SIAH2: variants seen among roughly 807,000 people sequenced by gnomAD.
SIAH2 encodes E3 ubiquitin-protein ligase SIAH2.
A neutral mutation model predicts 20.4 loss-of-function variants in SIAH2; 4 were observed. That is an observed-to-expected ratio of 0.20 (90% CI 0.10 to 0.45). The LOEUF (loss-of-function observed/expected upper bound fraction) is 0.45. Ranked by LOEUF, SIAH2 falls within the 20% of genes least tolerant of loss-of-function variation. The pLI, the probability that SIAH2 is intolerant of heterozygous loss-of-function variation, is 0.99. For missense variants in SIAH2, 259 were observed against 440.3 expected (o/e 0.59, Z 3.69); for synonymous variants, 171 against 192.5 (o/e 0.89, Z 0.93).
At chr3:150,753,662 T>C (rs1355451453) in intron 1 of SIAH2, among the ~76,000 whole-genome samples, 1 of 152,026 alleles carries the variant, frequency 6.6e-6, no homozygotes, top group African/African-American at 2.4e-5. Context: ...AGCCTGATGG[T>C]GTGTGCCTGT....
intron 1 of SIAH2, among the ~76,000 whole-genome samples, chr3:150,761,198 A>G (rs919822197): frequency 3.9e-5 from 6 of 152,250 alleles, no homozygotes; most frequent in Admixed American, 3.3e-4. Flanking sequence ...CCCAAGAGGC[A>G]GCGCAAGTTA....
At chr3:150,754,603 G>A (rs2120596) in intron 1 of SIAH2, among the ~76,000 whole-genome samples, 11,924 of 152,080 alleles carry the variant, frequency 0.078, 920 homozygotes, top group East Asian at 0.34. Context: ...AAACTCCACC[G>A]ATGTAGAAAT....
At chr3:150,753,667 G>T (rs1714418936) in intron 1 of SIAH2, among the ~76,000 whole-genome samples, 1 of 152,108 alleles carries the variant, frequency 6.6e-6, no homozygotes, top group South Asian at 2.1e-4. Context: ...GATGGTGTGT[G>T]CCTGTAATCC....
chr3:150,758,365 T>C (rs1012373817), intron 1 of SIAH2, among the ~76,000 whole-genome samples: 4 of 151,964 alleles, frequency 2.6e-5, no homozygotes, highest in African/African-American at 4.8e-5. Context: ...TTGGCTGATA[T>C]CAAAATACAT....
chr3:150,756,301 C>T (rs1343191373), intron 1 of SIAH2, among the ~76,000 whole-genome samples: 5 of 152,182 alleles, frequency 3.3e-5, no homozygotes, highest in Non-Finnish European at 7.3e-5. Flanking sequence ...CACAGTGGCT[C>T]CAAATGCTGG....
At position 150,742,296 on chromosome 3, in the gene SIAH2, A is replaced by G. The variant is rs1376638696; in HGVS notation, c.820T>C (p.Leu274=). 5.0e-6 allele frequency: 8 copies of G among 1,613,934 alleles called. No homozygotes were observed. The highest frequency in any genetic ancestry group is 5.9e-6 in the Non-Finnish European group (7 of 1,180,018). The change falls in exon 2 of 2, where the codon TTG becomes CTG. Residue 274 remains leucine (L), a synonymous_variant. Transcript: ENST00000312960. The surrounding 1 kb of genome is among the most constrained non-coding windows in gnomAD (Gnocchi z 4.8). ...GAACGGGGCGTGGCCTCCCAGGTCA[A>G]TCTCCGCCGGTTCCCATTCAACTCC... ...RLELNGNRRR[L]TWEATPRSIH...
intron 1 of SIAH2, among the ~76,000 whole-genome samples, chr3:150,745,747 G>T (rs966173858): frequency 1.3e-5 from 2 of 152,016 alleles, no homozygotes; most frequent in African/African-American, 4.8e-5. Flanking sequence ...CACCCGCCAC[G>T]GCCTCCCAAA....
At chr3:150,746,668 G>C (rs895380513) in intron 1 of SIAH2, among the ~76,000 whole-genome samples, 1 of 152,206 alleles carries the variant, frequency 6.6e-6, no homozygotes, top group Non-Finnish European at 1.5e-5. Context: ...CAAATGTCAC[G>C]TAGGGGGCAA....
rs745481122 is a variant in SIAH2 at position 150,762,810 on chromosome 3, G to T, written c.40C>A (p.Pro14Thr). 1 of 1,226,752 alleles carries T rather than the reference G, an allele frequency of 8.2e-7. No individual in the cohort carries two copies. 76.0% of individuals were successfully genotyped at this position (1,226,752 alleles called of 1,614,324 possible). A position where few individuals can be genotyped will look rare whatever the true frequency, so the allele number is the denominator to read the frequency against. ...TGCGGCGGCGGCTGCTTGCTGCAGG[G>T]TTTATTAGCGCTGGGGCCGGTGGAG... ...PSSTGPSANK[P>T]CSKQPPPQPQ... The change falls in exon 1 of 2, where the codon CCC (proline) becomes ACC (threonine). Residue 14 changes from proline to threonine, a missense_variant. Around this residue, in one of 2 missense-constraint regions of SIAH2, gnomAD observed 99 missense variants for 112.7 expected, o/e 0.88. Coordinates refer to ENST00000312960, the MANE Select transcript of SIAH2 (RefSeq NM_005067.7). This position sits in a 1 kb window ranked among gnomAD's most constrained non-coding sequence, Gnocchi z 6.6.
intron 1 of SIAH2, among the ~76,000 whole-genome samples, chr3:150,761,579 G>C (rs1576584689): frequency 6.6e-6 from 1 of 152,060 alleles, no homozygotes; most frequent in Non-Finnish European, 1.5e-5. Flanking sequence ...AGCTGCGAGG[G>C]TGTATGTATA....
At chr3:150,761,516 G>A (rs2108127346) in intron 1 of SIAH2, among the ~76,000 whole-genome samples, 1 of 152,332 alleles carries the variant, frequency 6.6e-6, no homozygotes, top group African/African-American at 2.4e-5. Flanking sequence ...ACATCTATGT[G>A]TGGGTATTAA....
chr3:150,745,113 T>A lies in SIAH2; in HGVS notation c.418-2415A>T, dbSNP rs145031208. Reference sequence around the variant, plus strand: ...GTTTTAAAGCCTTAGGTGCTTACTCTGCTTTTACTGAACAAGCAGAACTTT... The same window carrying A: ...GTTTTAAAGCCTTAGGTGCTTACTCAGCTTTTACTGAACAAGCAGAACTTT... On this transcript the variant is annotated intron_variant, in intron 1 of 1. Coordinates refer to ENST00000312960, the MANE Select transcript of SIAH2 (RefSeq NM_005067.7). 1.4e-3 allele frequency among the ~76,000 whole-genome samples: 220 copies of A among 152,246 alleles called. 2 individuals carry two copies. The highest frequency in any genetic ancestry group is 5.1e-3 in the African/African-American group (213 of 41,546).
At chr3:150,748,276 T>C (rs1349864681) in intron 1 of SIAH2, among the ~76,000 whole-genome samples, 2 of 152,256 alleles carry the variant, frequency 1.3e-5, no homozygotes, top group East Asian at 1.9e-4. Flanking sequence ...CATACACAAA[T>C]ACACACAACA....
rs138209996 is a variant in SIAH2, at chr3:150,742,140, A to G, written c.*1T>C. The G allele has an allele frequency of 1.1e-3, 1,691 of 1,605,886 alleles. 2 individuals carry two copies. The highest frequency in any genetic ancestry group is 1.4e-3 in the Non-Finnish European group (1,607 of 1,174,060). Reference sequence around the variant, plus strand: ...AATTTTGAAGGTTTACGAAAGTCACATCATGGACAACATGTAGAAATAGTA... The same window carrying G: ...AATTTTGAAGGTTTACGAAAGTCACGTCATGGACAACATGTAGAAATAGTA... On this transcript the variant is annotated 3_prime_UTR_variant, in exon 2 of 2. Transcript: ENST00000312960. The surrounding 1 kb of genome is among the most constrained non-coding windows in gnomAD (Gnocchi z 4.8).
In SIAH2 at chr3:150,760,705, C is replaced by T. The variant is rs567101781; in HGVS notation, c.417+1728G>A. Among the ~76,000 whole-genome samples the T allele has an allele frequency of 5.9e-5, 9 of 152,252 alleles. No homozygotes were observed. In the East Asian group the frequency reaches 7.7e-4, roughly 13 times the overall value. On this transcript the variant is annotated intron_variant, in intron 1 of 1. Transcript: ENST00000312960. ...CCTAAAAGCCATTTCTTTTGTTAGC[C>T]GCTGCGCGTTTAAGGGAAAGTAAAG...
chr3:150,742,422 C>A lies in SIAH2; in HGVS notation c.694G>T (p.Val232Leu). The part of the protein sequence containing the change: ...QSCFGHHFML[V>L]LEKQEKYEGH... ...TCGTACTTCTCTTGTTTCTCCAGCA[C>A]CAGCATGAAGTGATGGCCAAAACAT... The change falls in exon 2 of 2, where the codon GTG becomes TTG. Residue 232 changes from valine (V) to leucine (L), a missense_variant. Coordinates refer to ENST00000312960, the MANE Select transcript of SIAH2 (RefSeq NM_005067.7). This position sits in a 1 kb window ranked among gnomAD's most constrained non-coding sequence, Gnocchi z 4.8. 6.2e-7 allele frequency: 1 copy of A among 1,614,186 alleles called. No homozygotes were observed. The highest frequency in any genetic ancestry group is 8.5e-7 in the Non-Finnish European group (1 of 1,180,044).
Position 150,762,345 on chromosome 3 carries a change from C to T in SIAH2, c.417+88G>A. 6.7e-7 allele frequency: 1 copy of T among 1,502,552 alleles called. No individual in the cohort carries two copies. Among genetic ancestry groups the T allele is most frequent in the Non-Finnish European group, 8.8e-7 (1 of 1,130,750 alleles). The allele number at this position is 1,502,552 out of a possible 1,614,324, so 93.1% of individuals were successfully genotyped here. On this transcript the variant is annotated intron_variant, in intron 1 of 1. Transcript: ENST00000312960. The surrounding 1 kb of genome is among the most constrained non-coding windows in gnomAD (Gnocchi z 6.6). Reference sequence around the variant, plus strand: ...TTTTTTTTTTAAATGAGAGATGCCGCCCGCCTCTCCGGGCCTGCGAGTGGG... The same window carrying T: ...TTTTTTTTTTAAATGAGAGATGCCGTCCGCCTCTCCGGGCCTGCGAGTGGG...
intron 1 of SIAH2, among the ~76,000 whole-genome samples, chr3:150,750,899 G>A (rs1330129873): frequency 2.0e-5 from 3 of 152,178 alleles, no homozygotes; most frequent in African/African-American, 4.8e-5. Flanking sequence ...AATCACCTAT[G>A]AGTGGGTCTA....
intron 1 of SIAH2, among the ~76,000 whole-genome samples, chr3:150,756,138 T>C (rs1241832272): frequency 2.0e-5 from 3 of 152,250 alleles, no homozygotes; most frequent in Non-Finnish European, 4.4e-5. Context: ...CATTTCAGTA[T>C]CCTTCATCAG....
Sources: gnomAD v4.1 joint callset for allele counts (sites outside exome capture counted in the v4.1 genomes callset) on GRCh38, gnomAD v4.1.1 for gene constraint, gnomAD v4.1.1 regional missense constraint, Gnocchi (gnomAD v3.1) non-coding constraint, MANE v1.5 for transcripts, NCBI Gene and HGNC (gene_info 2026-07-23, HGNC 2026-07-21) for gene names.